Variants in SAP30BP observed in about 807,000 individuals in gnomAD.
SAP30BP encodes the protein SAP30-binding protein.
SAP30BP carries 31 observed loss-of-function variants against 46.3 expected under a neutral mutation model. The observed-to-expected ratio is 0.67, with a 90% CI of 0.50 to 0.90. The LOEUF (loss-of-function observed/expected upper bound fraction) is 0.90. Ranked by LOEUF, SAP30BP falls within the 40% of genes least tolerant of loss-of-function variation. The pLI, the probability that SAP30BP is intolerant of heterozygous loss-of-function variation, is 0.00. For synonymous variants in SAP30BP, 169 were observed against 144.2 expected, an observed-to-expected ratio of 1.17 and a Z score of -1.23; for missense variants, 312 against 391.0, an observed-to-expected ratio of 0.80 and a Z score of 1.70.
chr17:75,703,827 G>T lies in SAP30BP; in HGVS notation c.569G>T (p.Gly190Val), dbSNP rs140022461. The T allele has an allele frequency of 1.6e-4, 258 of 1,613,776 alleles. No individual in the cohort carries two copies. Among genetic ancestry groups the T allele is most frequent in the Middle Eastern group, 3.3e-4 (2 of 6,084 alleles). Residue 190 changes from glycine (G) to valine (V), a missense_variant, in exon 8 of 11, where the codon GGC (glycine) becomes GTC (valine). Physicochemically the swap from Gly to Val is moderately radical, Grantham distance 109. Coordinates refer to ENST00000584667, the MANE Select transcript of SAP30BP (RefSeq NM_013260.8). ...TTGCAGGATATGTTTGATCCCCATGGCTGGTCTGAGGACTCCTACTATGAG... is the reference window on the plus strand; with the variant it reads ...TTGCAGGATATGTTTGATCCCCATGTCTGGTCTGAGGACTCCTACTATGAG... ...NYPKDMFDPHGWSEDSYYEAL... is the reference protein window; with the variant it reads ...NYPKDMFDPHVWSEDSYYEAL...
chr17:75,687,955 T>A (rs866373932), intron 3 of SAP30BP, among the ~76,000 whole-genome samples: 30 of 124,734 alleles, frequency 2.4e-4, no homozygotes, highest in African/African-American at 9.3e-4. Flanking sequence ...TGTGTGTGTG[T>A]GAGAGAGACA....
chr17:75,671,141 T>G (rs956964470), intron 2 of SAP30BP, among the ~76,000 whole-genome samples: 1 of 152,256 alleles, frequency 6.6e-6, no homozygotes, highest in Non-Finnish European at 1.5e-5. Flanking sequence ...CAGGACTGGG[T>G]AGAATGGATC....
At chr17:75,682,765 C>T (rs2060098465) in intron 3 of SAP30BP, among the ~76,000 whole-genome samples, 1 of 148,544 alleles carries the variant, frequency 6.7e-6, no homozygotes, top group South Asian at 2.2e-4. Flanking sequence ...ATATCAAGAC[C>T]ATCCTGGCCA....
At chr17:75,670,081 T>C (rs1231411460) in intron 2 of SAP30BP, among the ~76,000 whole-genome samples, 1 of 152,192 alleles carries the variant, frequency 6.6e-6, no homozygotes, top group Non-Finnish European at 1.5e-5. Context: ...CCCAGCACTT[T>C]GGGAGGCTGA....
intron 3 of SAP30BP, among the ~76,000 whole-genome samples, chr17:75,688,384 G>A (rs1466857156): frequency 1.3e-5 from 2 of 152,216 alleles, no homozygotes; most frequent in East Asian, 3.8e-4. Context: ...CCACGTACTT[G>A]TAAGATGCAA....
rs1228369055 is a variant in SAP30BP, at chr17:75,704,770, A to G, written c.616A>G (p.Ile206Val). 6 of 1,613,756 alleles carry G rather than the reference A, an allele frequency of 3.7e-6. No individual in the cohort carries two copies. The highest frequency in any genetic ancestry group is 5.1e-6 in the Non-Finnish European group (6 of 1,179,904). ...TGTCTTCATAGCCAAGGCCCAGAAA[A>G]TTGAGATGGACAAATTGGAAAAGGC... ...YYEALAKAQKIEMDKLEKAKK... is the reference protein window; with the variant it reads ...YYEALAKAQKVEMDKLEKAKK... Residue 206 changes from isoleucine (I) to valine (V), a missense_variant, in exon 9 of 11, where the codon ATT (isoleucine) becomes GTT (valine). Ile to Val is a conservative substitution (Grantham distance 29, BLOSUM62 3). Around this residue, in one of 2 missense-constraint regions of SAP30BP, gnomAD observed 296 missense variants for 346.6 expected, o/e 0.85. Coordinates refer to ENST00000584667, the MANE Select transcript of SAP30BP (RefSeq NM_013260.8).
chr17:75,683,492 T>C (rs1316424758), intron 3 of SAP30BP: 1 of 152,162 alleles, frequency 6.6e-6, no homozygotes, highest in Non-Finnish European at 1.5e-5. Context: ...CATTCTCATA[T>C]TTTCTTCAGC....
chr17:75,702,438 T>G, intron 5 of SAP30BP, 42 bp from the exon 6 acceptor site: 1 of 842,724 alleles, frequency 1.2e-6, no homozygotes, highest in Non-Finnish European at 2.0e-6. Flanking sequence ...AGGGGTGGGC[T>G]TCTGTCATAC....
intron 3 of SAP30BP, chr17:75,684,650 G>A (rs1350028195): frequency 6.6e-6 from 1 of 152,170 alleles, no homozygotes; most frequent in Non-Finnish European, 1.5e-5. Flanking sequence ...ACAACACTAG[G>A]GTTGCCTTGC....
rs1555718062 is a variant in SAP30BP at position 75,674,703 on chromosome 17, T to TTTG, written c.264+2842_264+2843insGTT. 9.3e-5 allele frequency among the ~76,000 whole-genome samples: 8 copies of TTTG among 86,306 alleles called. 1 individual carries two copies. Among genetic ancestry groups the TTTG allele is most frequent in the Admixed American group, 1.5e-4 (1 of 6,480 alleles). The allele number at this position is 86,306 out of a possible 152,430, so 56.6% of individuals were successfully genotyped here. Reference sequence around the variant, plus strand: ...GTTTTTTTGTTTGTTTTTTGTTTTTTTTTTTTTTTTTTTTTTTTTTTTGAG... The same window carrying TTTG: ...GTTTTTTTGTTTGTTTTTTGTTTTTTTTGTTTTTTTTTTTTTTTTTTTTTTGAG... On this transcript the variant is annotated intron_variant, in intron 3 of 10. Coordinates refer to ENST00000584667, the MANE Select transcript of SAP30BP (RefSeq NM_013260.8).
chr17:75,701,032 A>T lies in SAP30BP; in HGVS notation c.396+1161A>T, dbSNP rs550533191. On this transcript the variant is annotated intron_variant, in intron 5 of 10. Transcript: ENST00000584667. ...GGCTCCCTCCATGACCCTGGAGGAG[A>T]CAGCTTGGAGGACAGAGGTTCTTCA... Among the ~76,000 whole-genome samples, 10 of 152,144 alleles carry T rather than the reference A, an allele frequency of 6.6e-5. No individual in the cohort carries two copies. In the South Asian group the frequency reaches 2.1e-3, roughly 32 times the overall value.
At chr17:75,670,665 G>T (rs2059895195) in intron 2 of SAP30BP, among the ~76,000 whole-genome samples, 1 of 152,180 alleles carries the variant, frequency 6.6e-6, no homozygotes. Context: ...AAATGTGATT[G>T]TATTTGTCTG....
In SAP30BP at chr17:75,706,544, TGAAAG is replaced by T. The variant is rs777634845; in HGVS notation, c.*26_*30del. 4 of 1,610,806 alleles carry T rather than the reference TGAAAG, an allele frequency of 2.5e-6. No individual in the cohort carries two copies. Among genetic ancestry groups the T allele is most frequent in the South Asian group, 2.2e-5 (2 of 90,954 alleles). Reference sequence around the variant, plus strand: ...TGACCTGAGGGGCCACCCTAGGACTTGAAAGGACCGTGCAGCCCAGTGACCACTGC... The same window carrying T: ...TGACCTGAGGGGCCACCCTAGGACTTGACCGTGCAGCCCAGTGACCACTGC... On this transcript the variant is annotated 3_prime_UTR_variant, in exon 11 of 11. Coordinates refer to ENST00000584667, the MANE Select transcript of SAP30BP (RefSeq NM_013260.8). The surrounding 1 kb of genome is among the most constrained non-coding windows in gnomAD (Gnocchi z 4.6).
rs1430171982 is a variant in SAP30BP at position 75,706,292 on chromosome 17, G to T, written c.746-48G>T. 6.3e-7 allele frequency: 1 copy of T among 1,584,462 alleles called. No homozygotes were observed. Among genetic ancestry groups the T allele is most frequent in the East Asian group, 2.2e-5 (1 of 44,720 alleles). On this transcript the variant is annotated intron_variant, in intron 10 of 10. Coordinates refer to ENST00000584667, the MANE Select transcript of SAP30BP (RefSeq NM_013260.8). The surrounding 1 kb of genome is among the most constrained non-coding windows in gnomAD (Gnocchi z 4.6). ...GGCCTGCAGGGGGAAGGGAAAGAGGGCACCGCTCATTGGTGGATCGTGATC... is the reference window on the plus strand; with the variant it reads ...GGCCTGCAGGGGGAAGGGAAAGAGGTCACCGCTCATTGGTGGATCGTGATC...
In SAP30BP at chr17:75,704,769, A is replaced by G; in HGVS notation, c.615A>G (p.Lys205=). 6.2e-7 allele frequency: 1 copy of G among 1,613,812 alleles called. No individual in the cohort carries two copies. Among genetic ancestry groups the G allele is most frequent in the Non-Finnish European group, 8.5e-7 (1 of 1,179,872 alleles). ...TTGTCTTCATAGCCAAGGCCCAGAAAATTGAGATGGACAAATTGGAAAAGG... is the reference window on the plus strand; with the variant it reads ...TTGTCTTCATAGCCAAGGCCCAGAAGATTGAGATGGACAAATTGGAAAAGG... The part of the protein sequence containing the change: ...SYYEALAKAQ[K]IEMDKLEKAK... The change falls in exon 9 of 11, where the codon AAA becomes AAG. Residue 205 remains lysine, a synonymous_variant. Transcript: ENST00000584667.
intron 3 of SAP30BP, among the ~76,000 whole-genome samples, chr17:75,672,648 C>A (rs1010175994): frequency 6.6e-6 from 1 of 152,050 alleles, no homozygotes; most frequent in Non-Finnish European, 1.5e-5. Context: ...GAATAAGGAC[C>A]CATTTTGCAG....
chr17:75,678,182 A>C (rs563472189), intron 3 of SAP30BP, among the ~76,000 whole-genome samples: 10 of 152,128 alleles, frequency 6.6e-5, no homozygotes, highest in South Asian at 4.2e-4. Context: ...ATCATAATAA[A>C]ATCTGTCTCA....
chr17:75,671,687 G>C (rs77470975), intron 2 of SAP30BP, 129 bp from the exon 3 acceptor site: 2 of 723,342 alleles, frequency 2.8e-6, no homozygotes, highest in Non-Finnish European at 5.1e-6. Context: ...TTATATGGTA[G>C]GGGAGGGATT....
At chr17:75,682,833 C>G (rs1294250364) in intron 3 of SAP30BP, among the ~76,000 whole-genome samples, 3 of 151,168 alleles carry the variant, frequency 2.0e-5, no homozygotes, top group South Asian at 2.1e-4. Context: ...CATGGTGGCA[C>G]GTGCCTGTAA....
Sources: gnomAD v4.1 joint callset for allele counts (sites outside exome capture counted in the v4.1 genomes callset) on GRCh38, gnomAD v4.1.1 for gene constraint, gnomAD v4.1.1 regional missense constraint, Gnocchi (gnomAD v3.1) non-coding constraint, MANE v1.5 for transcripts, NCBI Gene and HGNC (gene_info 2026-07-23, HGNC 2026-07-21) for gene names.